Variants in HIP1 observed in about 807,000 individuals in gnomAD.
HIP1 encodes the protein huntingtin interacting protein 1.
HIP1 carries 65 observed loss-of-function variants against 147.6 expected under a neutral mutation model. The ratio of observed to expected loss-of-function variants is 0.44; its 90% CI spans 0.36 to 0.54. The LOEUF (loss-of-function observed/expected upper bound fraction) is 0.54, where lower values mean the gene tolerates loss of function less well. HIP1 is among the 20% of genes least tolerant of loss of function. The pLI is 0.00. For missense variants in HIP1, 1,061 were observed against 1,299.6 expected (o/e 0.82, Z 2.82); for synonymous variants, 479 against 504.0 (o/e 0.95, Z 0.67).
intron 1 of HIP1, among the ~76,000 whole-genome samples, chr7:75,712,462 A>C (rs1203389559): frequency 1.3e-5 from 2 of 152,140 alleles, no homozygotes; most frequent in Non-Finnish European, 2.9e-5. Flanking sequence ...GTAGGGGGAA[A>C]AATCACAAAG....
chr7:75,643,793 A>G (rs1798721836), intron 1 of HIP1, among the ~76,000 whole-genome samples: 1 of 152,164 alleles, frequency 6.6e-6, no homozygotes, highest in Admixed American at 6.5e-5. Flanking sequence ...TGAGGTCAGG[A>G]GTTCAAAACT....
intron 1 of HIP1, among the ~76,000 whole-genome samples, chr7:75,701,767 T>G (rs193239467): frequency 1.5e-3 from 231 of 151,980 alleles, no homozygotes; most frequent in African/African-American, 5.4e-3. Flanking sequence ...GTGGGAGGAC[T>G]GTTTGAGCCC....
chr7:75,581,089 C>T, intron 7 of HIP1, 148 bp downstream of exon 7: 2 of 631,194 alleles, frequency 3.2e-6, no homozygotes, highest in East Asian at 2.8e-5. Flanking sequence ...TTCAGTCCCT[C>T]CCTGCACGAG....
At chr7:75,619,625 G>A (rs1584888958) in intron 1 of HIP1, among the ~76,000 whole-genome samples, 1 of 152,040 alleles carries the variant, frequency 6.6e-6, no homozygotes, top group Non-Finnish European at 1.5e-5. Flanking sequence ...GCTCAGACAA[G>A]TATACCTTGA....
intron 1 of HIP1, among the ~76,000 whole-genome samples, chr7:75,628,571 C>T (rs915282938): frequency 7.9e-5 from 12 of 151,494 alleles, no homozygotes; most frequent in Admixed American, 6.6e-4. Flanking sequence ...CTCTGCCTCC[C>T]GGGTTCAAGT....
At chr7:75,689,952 C>T (rs925725289) in intron 1 of HIP1, among the ~76,000 whole-genome samples, 2 of 152,076 alleles carry the variant, frequency 1.3e-5, no homozygotes, top group Non-Finnish European at 2.9e-5. Context: ...GGTCTGCAGC[C>T]CTGATGGCAT....
At chr7:75,585,356 A>G (rs1796219486) in intron 5 of HIP1, among the ~76,000 whole-genome samples, 1 of 151,070 alleles carries the variant, frequency 6.6e-6, no homozygotes, top group African/African-American at 2.5e-5. Flanking sequence ...TTGTATTTTT[A>G]GTAGAGACGG....
At chr7:75,729,059 G>A (rs1801744806) in intron 1 of HIP1, among the ~76,000 whole-genome samples, 1 of 148,350 alleles carries the variant, frequency 6.7e-6, no homozygotes, top group South Asian at 2.1e-4. Context: ...GCCTGCGCAT[G>A]TACCATCTGA....
At chr7:75,678,403 G>GCA (rs1799963485) in intron 1 of HIP1, among the ~76,000 whole-genome samples, 1 of 143,984 alleles carries the variant, frequency 6.9e-6, no homozygotes, top group Non-Finnish European at 1.5e-5. Flanking sequence ...GAGTACGGTG[G>GCA]CACAATCTCA....
chr7:75,662,866 GAA>G (rs1404130285), intron 1 of HIP1, among the ~76,000 whole-genome samples: 1 of 152,178 alleles, frequency 6.6e-6, no homozygotes, highest in Non-Finnish European at 1.5e-5. Flanking sequence ...TTGAAGATAT[GAA>G]AGAGAATGGG....
At chr7:75,655,888 G>C (rs1403180746) in intron 1 of HIP1, among the ~76,000 whole-genome samples, 1 of 152,174 alleles carries the variant, frequency 6.6e-6, no homozygotes, top group Non-Finnish European at 1.5e-5. Context: ...GGGAGGACAA[G>C]GTGAGTGGAT....
At chr7:75,538,689 C>A (rs1794182322) in intron 30 of HIP1, among the ~76,000 whole-genome samples, 1 of 151,928 alleles carries the variant, frequency 6.6e-6, no homozygotes, top group Non-Finnish European at 1.5e-5. Flanking sequence ...ATTCTCCTGC[C>A]TCAGCCTCCT....
chr7:75,570,437 G>A (rs987931926), intron 8 of HIP1, among the ~76,000 whole-genome samples: 2 of 150,930 alleles, frequency 1.3e-5, no homozygotes, highest in Admixed American at 6.6e-5. Flanking sequence ...GACTACAGGC[G>A]CCCGCCACCA....
rs782614004 is a variant in HIP1, at chr7:75,545,151, G to A, written c.2597C>T (p.Ser866Phe). The change falls in exon 26 of 31, where the codon TCT becomes TTT. Residue 866 changes from serine to phenylalanine, a missense_variant. By Grantham distance (155) the Ser-to-Phe change is radical. Transcript: ENST00000336926. ...ASPKEFYAKN[S>F]RWTEGLISAS... ...TGAGATAAGTCCTTCTGTCCATCGA[G>A]AGTTCTTGGCATAAAACTCTTTAGG... 6.2e-7 allele frequency: 1 copy of A among 1,611,782 alleles called. No individual in the cohort carries two copies. The highest frequency in any genetic ancestry group is 1.1e-5 in the South Asian group (1 of 90,878).
rs587619778 is a variant in HIP1, at chr7:75,616,101, A to G, written c.121-16854T>C. ...ACTCTGTCTCAAAAAAAAAAAAAAA[A>G]AAAAAGAAAAGATAAGAAAAGAAAA... On this transcript the variant is annotated intron_variant, in intron 1 of 30. Coordinates refer to ENST00000336926, the MANE Select transcript of HIP1 (RefSeq NM_005338.7). 4.4e-4 allele frequency among the ~76,000 whole-genome samples: 66 copies of G among 150,198 alleles called. 1 individual carries two copies. Among genetic ancestry groups the G allele is most frequent in the East Asian group, 4.3e-3 (22 of 5,162 alleles).
rs72121686 is a variant in HIP1 at position 75,663,934 on chromosome 7, G to GTA, written c.121-64689_121-64688dup. 7.5e-3 allele frequency among the ~76,000 whole-genome samples: 189 copies of GTA among 25,170 alleles called. 29 individuals carry two copies. The highest frequency in any genetic ancestry group is 0.055 in the African/African-American group (166 of 3,026). The allele number at this position is 25,170 out of a possible 152,430, so 16.5% of individuals were successfully genotyped here. ...ACCTTCCATTATTTTATGTATGTGT[G>GTA]TATATATATATATACACATATATGT... On this transcript the variant is annotated intron_variant, in intron 1 of 30. Coordinates refer to ENST00000336926, the MANE Select transcript of HIP1 (RefSeq NM_005338.7).
chr7:75,576,077 C>T lies in HIP1; in HGVS notation c.605-2176G>A, dbSNP rs1198241332. ...GCTGTTCCATTTCCCTGCCTGGCCC[C>T]GATTCCTGATACCTTCCAGGAATGC... On this transcript the variant is annotated intron_variant, in intron 7 of 30. Transcript: ENST00000336926. 3.9e-5 allele frequency among the ~76,000 whole-genome samples: 6 copies of T among 152,180 alleles called. No homozygotes were observed. The East Asian group carries it at 5.8e-4, about 15-fold the overall frequency.
chr7:75,585,201 TTGAGA>T (rs1796208841), intron 5 of HIP1, among the ~76,000 whole-genome samples: 2 of 131,526 alleles, frequency 1.5e-5, no homozygotes, highest in Non-Finnish European at 3.3e-5. Context: ...TTTTTTTTTT[TTGAGA>T]TTGAGTCTTG....
intron 21 of HIP1, 82 bp downstream of exon 21, chr7:75,554,031 C>T: frequency 1.0e-6 from 1 of 1,000,190 alleles, no homozygotes; most frequent in Non-Finnish European, 1.5e-6. Context: ...AGGCATGAGC[C>T]ACTGCGCCCG....
Sources: gnomAD v4.1 joint callset for allele counts (sites outside exome capture counted in the v4.1 genomes callset) on GRCh38, gnomAD v4.1.1 for gene constraint, MANE v1.5 for transcripts, NCBI Gene and HGNC (gene_info 2026-07-23, HGNC 2026-07-21) for gene names.